ST3GAL6: variants seen among roughly 807,000 people sequenced by gnomAD.
ST3GAL6 encodes ST3 beta-galactoside alpha-2,3-sialyltransferase 6, also known as type 2 lactosamine alpha-2,3-sialyltransferase.
Under a neutral mutation model 40.5 loss-of-function variants are expected in ST3GAL6, and 31 were observed. The ratio of observed to expected loss-of-function variants is 0.77; its 90% CI spans 0.58 to 1.03. ST3GAL6 has a LOEUF of 1.03. Ranked by LOEUF, ST3GAL6 falls within the 50% of genes least tolerant of loss-of-function variation. The pLI is 0.00. For missense variants in ST3GAL6, 357 were observed against 393.2 expected (o/e 0.91, Z 0.78); for synonymous variants, 129 against 136.9 (o/e 0.94, Z 0.40).
chr3:98,793,688 A>G lies in ST3GAL6; in HGVS notation c.923A>G (p.Asn308Ser). 5.0e-6 allele frequency: 8 copies of G among 1,588,636 alleles called. No individual in the cohort carries two copies. The highest frequency in any genetic ancestry group is 6.8e-6 in the Non-Finnish European group (8 of 1,169,866). Residue 308 changes from asparagine (N) to serine (S), a missense_variant, in exon 10 of 10, where the codon AAT (asparagine) becomes AGT (serine). Physicochemically the swap from Asn to Ser is conservative, Grantham distance 46 (BLOSUM62 1). Coordinates refer to ENST00000483910, the MANE Select transcript of ST3GAL6 (RefSeq NM_001323368.2). ...TTTCTTCTTTAGAACGCGTATCACA[A>G]TGTGACTGCAGAGCAGCTCTTTTTG... The part of the protein sequence containing the change: ...MSLMNKNAYH[N>S]VTAEQLFLKD...
chr3:98,794,317 T>TAA lies in ST3GAL6; in HGVS notation c.*557_*558dup, dbSNP rs1941436247. On this transcript the variant is annotated 3_prime_UTR_variant, in exon 10 of 10. Coordinates refer to ENST00000483910, the MANE Select transcript of ST3GAL6 (RefSeq NM_001323368.2). ...GTACAATGAAGGCAGTGTTTGTTTT[T>TAA]AAGTTAAAGGAAATGGGCTAAACAT... 1 of 152,236 alleles carries TAA rather than the reference T, an allele frequency of 6.6e-6. No individual in the cohort carries two copies. Among genetic ancestry groups the TAA allele is most frequent in the Admixed American group, 6.5e-5 (1 of 15,286 alleles). 9.4% of individuals were successfully genotyped at this position (152,236 alleles called of 1,614,324 possible). A position where few individuals can be genotyped will look rare whatever the true frequency, so the allele number is the denominator to read the frequency against.
At chr3:98,738,993 C>T (rs892755944) in intron 1 of ST3GAL6, among the ~76,000 whole-genome samples, 3 of 152,086 alleles carry the variant, frequency 2.0e-5, no homozygotes, top group Non-Finnish European at 4.4e-5. Context: ...CAAAATCATA[C>T]CAACCACACT....
At chr3:98,772,750 AT>A in intron 3 of ST3GAL6, 62 bp from the exon 4 acceptor site, 2 of 1,123,830 alleles carry the variant, frequency 1.8e-6, no homozygotes, top group Non-Finnish European at 2.7e-6. Flanking sequence ...TTTAGTTTTG[AT>A]TTTAAAAGCT....
At chr3:98,745,944 T>G (rs1043912450) in intron 1 of ST3GAL6, among the ~76,000 whole-genome samples, 1 of 152,162 alleles carries the variant, frequency 6.6e-6, no homozygotes, top group Non-Finnish European at 1.5e-5. Flanking sequence ...CTTTAGTACA[T>G]CCATACTCTC....
At chr3:98,759,905 C>G (rs1365924923), upstream of ST3GAL6, among the ~76,000 whole-genome samples, 1 of 152,034 alleles carries the variant, frequency 6.6e-6, no homozygotes, top group Non-Finnish European at 1.5e-5. Flanking sequence ...ATCATACTGA[C>G]ACTAATAGTA....
intron 5 of ST3GAL6, among the ~76,000 whole-genome samples, chr3:98,781,166 A>T (rs1038038719): frequency 6.6e-6 from 1 of 152,216 alleles, no homozygotes; most frequent in African/African-American, 2.4e-5. Context: ...GAATGAGTTC[A>T]TGTCCTTTGC....
intron 1 of ST3GAL6, among the ~76,000 whole-genome samples, chr3:98,751,030 C>A (rs1218937758): frequency 3.4e-5 from 5 of 147,890 alleles, no homozygotes; most frequent in African/African-American, 1.3e-4. Flanking sequence ...ACCAACTTAT[C>A]CAGACTAAAT....
chr3:98,742,201 T>C (rs1202822673), intron 1 of ST3GAL6, among the ~76,000 whole-genome samples: 1 of 152,236 alleles, frequency 6.6e-6, no homozygotes, highest in African/African-American at 2.4e-5. Flanking sequence ...TGATTTGATA[T>C]ATCAATGTGT....
At chr3:98,792,915 A>G (rs1397854725) in intron 9 of ST3GAL6, among the ~76,000 whole-genome samples, 2 of 152,146 alleles carry the variant, frequency 1.3e-5, no homozygotes, top group African/African-American at 4.8e-5. Flanking sequence ...TTAAAATGTT[A>G]TCTGTATACT....
At chr3:98,739,082 G>A (rs1935831082) in intron 1 of ST3GAL6, among the ~76,000 whole-genome samples, 1 of 152,066 alleles carries the variant, frequency 6.6e-6, no homozygotes, top group African/African-American at 2.4e-5. Flanking sequence ...GAAAATTAAA[G>A]AACTTGCTCC....
At chr3:98,758,501 GAT>G (rs1937550070), upstream of ST3GAL6, among the ~76,000 whole-genome samples, 1 of 152,150 alleles carries the variant, frequency 6.6e-6, no homozygotes, top group Non-Finnish European at 1.5e-5. Context: ...GCATAAAAAA[GAT>G]ATGGTTTCTA....
At chr3:98,768,664 GT>G in intron 2 of ST3GAL6, 135 bp downstream of exon 2, 1 of 666,604 alleles carries the variant, frequency 1.5e-6, no homozygotes, top group Non-Finnish European at 2.6e-6. Flanking sequence ...GTAAATTGGG[GT>G]TTTACCATTC....
rs1395317686 is a variant in ST3GAL6 at position 98,794,137 on chromosome 3, T to G, written c.*376T>G. On this transcript the variant is annotated 3_prime_UTR_variant, in exon 10 of 10. Transcript: ENST00000483910. ...AGACATTTTGAGGAGGATATTTGGC[T>G]ACTGTAAACATGGCTGGTGGAAAAT... The G allele has an allele frequency of 6.5e-6, 1 of 153,970 alleles. No individual in the cohort carries two copies. The allele number at this position is 153,970 out of a possible 1,614,324, so 9.5% of individuals were successfully genotyped here.
At chr3:98,741,083 T>TGTGTGTGAGA (rs374127164) in intron 1 of ST3GAL6, among the ~76,000 whole-genome samples, 57 of 150,368 alleles carry the variant, frequency 3.8e-4, no homozygotes, top group Non-Finnish European at 6.6e-4. Context: ...TGTGTGTGTG[T>TGTGTGTGAGA]GCATGCATGT....
At chr3:98,771,126 G>T (rs1486350209) in intron 3 of ST3GAL6, 170 bp downstream of exon 3, 1 of 1,512,936 alleles carries the variant, frequency 6.6e-7, no homozygotes, top group Non-Finnish European at 8.8e-7. Flanking sequence ...TTTAGTCAGA[G>T]CTCTGCATAT....
chr3:98,750,563 C>CT (rs34993293), intron 1 of ST3GAL6, among the ~76,000 whole-genome samples: 7,113 of 143,076 alleles, frequency 0.05, 284 homozygotes, highest in East Asian at 0.16. Flanking sequence ...CACTGGCATT[C>CT]TTTTTTTTTT....
intron 1 of ST3GAL6, among the ~76,000 whole-genome samples, chr3:98,763,662 C>T (rs1283216850): frequency 6.7e-6 from 1 of 149,936 alleles, no homozygotes; most frequent in Non-Finnish European, 1.5e-5. Context: ...ATGTCTGCCA[C>T]TGAGGAAGCA....
At chr3:98,736,065 T>C (rs1339574405) in intron 1 of ST3GAL6, among the ~76,000 whole-genome samples, 2 of 152,212 alleles carry the variant, frequency 1.3e-5, no homozygotes, top group African/African-American at 4.8e-5. Flanking sequence ...CTTGTGCCCA[T>C]GTTTGTTTTT....
At chr3:98,757,332 C>A (rs1176399780) in intron 1 of ST3GAL6, among the ~76,000 whole-genome samples, 1 of 152,154 alleles carries the variant, frequency 6.6e-6, no homozygotes, top group Non-Finnish European at 1.5e-5. Flanking sequence ...TCCTAGGGAA[C>A]CTCTTAAGCT....
Sources: allele counts gnomAD v4.1 joint callset (sites outside exome capture counted in the v4.1 genomes callset), GRCh38; gene constraint gnomAD v4.1.1; transcripts MANE v1.5; gene names NCBI Gene and HGNC (gene_info 2026-07-23, HGNC 2026-07-21).